The following BCL2L13 variants were observed in gnomAD, a reference collection of about 807,000 sequenced individuals.
The protein encoded by BCL2L13 is BCL2 like 13.
A neutral mutation model predicts 25.8 loss-of-function variants in BCL2L13; 13 were observed. The ratio of observed to expected loss-of-function variants is 0.50; its 90% CI spans 0.33 to 0.80. BCL2L13 has a LOEUF of 0.80. Ranked by LOEUF, BCL2L13 falls within the 30% of genes least tolerant of loss-of-function variation. BCL2L13 has a pLI of 0.02. For missense variants in BCL2L13, 504 were observed against 574.9 expected, an observed-to-expected ratio of 0.88 and a Z score of 1.26; for synonymous variants, 244 against 230.3, an observed-to-expected ratio of 1.06 and a Z score of -0.54.
At chr22:17,681,288 CG>C (rs1412693540) in intron 2 of BCL2L13, among the ~76,000 whole-genome samples, 1 of 151,976 alleles carries the variant, frequency 6.6e-6, no homozygotes, top group Non-Finnish European at 1.5e-5. Context: ...AGGTGGATCA[CG>C]GGGCCAGGAG....
In BCL2L13 at chr22:17,702,405, T is replaced by C; in HGVS notation, c.600+19T>C. 6.6e-7 allele frequency: 1 copy of C among 1,514,666 alleles called. No homozygotes were observed. The highest frequency in any genetic ancestry group is 8.8e-7 in the Non-Finnish European group (1 of 1,135,426). 93.8% of individuals were successfully genotyped at this position (1,514,666 alleles called of 1,614,324 possible). On this transcript the variant is annotated intron_variant, in intron 6 of 6. Coordinates refer to ENST00000317582, the MANE Select transcript of BCL2L13 (RefSeq NM_015367.4). ...TGGCTGGGTATGAGCTGTTATATAT[T>C]AAAAATATTTTCTTGAAAAAAAATT...
intron 1 of BCL2L13, among the ~76,000 whole-genome samples, chr22:17,629,818 TACACACACACAC>T (rs3044578): frequency 1.0e-4 from 15 of 148,184 alleles, no homozygotes; most frequent in East Asian, 2.0e-4. Context: ...TTTATTTTCA[TACACACACACAC>T]ACACACACAC....
chr22:17,648,973 CG>C (rs1289195066), intron 1 of BCL2L13, among the ~76,000 whole-genome samples: 4 of 152,126 alleles, frequency 2.6e-5, no homozygotes, highest in Non-Finnish European at 1.5e-5. Flanking sequence ...GTTACCCTGT[CG>C]CTCAGGCTGG....
At chr22:17,681,563 C>T (rs2059757720) in intron 2 of BCL2L13, among the ~76,000 whole-genome samples, 2 of 151,530 alleles carry the variant, frequency 1.3e-5, no homozygotes, top group African/African-American at 2.4e-5. Flanking sequence ...TTATAGAGGT[C>T]CTGAGAGGGT....
At chr22:17,642,053 C>T (rs1323664287) in intron 1 of BCL2L13, among the ~76,000 whole-genome samples, 1 of 151,622 alleles carries the variant, frequency 6.6e-6, no homozygotes, top group Non-Finnish European at 1.5e-5. Flanking sequence ...CCCATGTCGG[C>T]CTCCCAAAGT....
chr22:17,706,667 C>T lies in BCL2L13; in HGVS notation c.600+4281C>T, dbSNP rs138505219. On this transcript the variant is annotated intron_variant, in intron 6 of 6. Transcript: ENST00000317582. ...TAGTTTCAGTTTTGACTTTTATTTG[C>T]CCTGCAGCCCGGTGAGGGCACAGAC... 4 of 1,305,744 alleles carry T rather than the reference C, an allele frequency of 3.1e-6. No individual in the cohort carries two copies. The East Asian group carries it at 1.4e-4, about 45-fold the overall frequency. 80.9% of individuals were successfully genotyped at this position (1,305,744 alleles called of 1,614,324 possible). A position where few individuals can be genotyped will look rare whatever the true frequency, so the allele number is the denominator to read the frequency against.
intron 6 of BCL2L13, among the ~76,000 whole-genome samples, chr22:17,721,854 G>T (rs2061144222): frequency 6.6e-6 from 1 of 151,574 alleles, no homozygotes; most frequent in Admixed American, 6.6e-5. Flanking sequence ...TAGAGACGGG[G>T]TTTCACCGTG....
chr22:17,675,893 C>T (rs146180803), intron 2 of BCL2L13, among the ~76,000 whole-genome samples: 1 of 152,150 alleles, frequency 6.6e-6, no homozygotes, highest in Non-Finnish European at 1.5e-5. Flanking sequence ...GTTAAAACAG[C>T]CTTATTTTAT....
chr22:17,686,860 A>T (rs945443315), intron 3 of BCL2L13, among the ~76,000 whole-genome samples: 2 of 152,148 alleles, frequency 1.3e-5, no homozygotes, highest in African/African-American at 2.4e-5. Context: ...GATTCTCTTC[A>T]TGTATATTCT....
intron 5 of BCL2L13, among the ~76,000 whole-genome samples, chr22:17,698,732 A>G (rs1404291104): frequency 6.6e-6 from 1 of 151,976 alleles, no homozygotes; most frequent in Non-Finnish European, 1.5e-5. Context: ...GTCTCAGAAA[A>G]AAAAGAAAAG....
intron 2 of BCL2L13, 33 bp downstream of exon 2, chr22:17,655,865 A>G: frequency 6.3e-7 from 1 of 1,586,222 alleles, no homozygotes; most frequent in Non-Finnish European, 8.6e-7. Flanking sequence ...GTTATAGTAA[A>G]TTGTAATAAG....
At chr22:17,692,915 A>G (rs73876489) in intron 4 of BCL2L13, among the ~76,000 whole-genome samples, 2,733 of 152,222 alleles carry the variant, frequency 0.018, 77 homozygotes, top group African/African-American at 0.061. Context: ...TTATCGAGCT[A>G]TTTTGGATTG....
exon 1 of BCL2L13, chr22:17,628,939 G>A (rs1371118931): frequency 4.2e-6 from 2 of 481,714 alleles, no homozygotes; most frequent in Non-Finnish European, 7.6e-6. Flanking sequence ...TCTTGGGTAG[G>A]AGGAAGAAAA....
intron 1 of BCL2L13, among the ~76,000 whole-genome samples, chr22:17,652,742 G>C (rs1166718739): frequency 2.0e-5 from 3 of 152,094 alleles, no homozygotes; most frequent in Non-Finnish European, 4.4e-5. Flanking sequence ...CCGGCCATCA[G>C]ATTTCTTGAA....
In BCL2L13 at chr22:17,727,954, T is replaced by G; in HGVS notation, c.*420T>G. ...AAATGTCCCGTGTGAACATCCCCTA[T>G]TGAGACCCACTGCTTTAGCGAGAGA... On this transcript the variant is annotated 3_prime_UTR_variant, in exon 7 of 7. Coordinates refer to ENST00000317582, the MANE Select transcript of BCL2L13 (RefSeq NM_015367.4). 5.3e-6 allele frequency: 1 copy of G among 189,796 alleles called. No homozygotes were observed. Among genetic ancestry groups the G allele is most frequent in the Non-Finnish European group, 1.1e-5 (1 of 89,096 alleles). The allele number at this position is 189,796 out of a possible 1,614,324, so 11.8% of individuals were successfully genotyped here. A position where few individuals can be genotyped will look rare whatever the true frequency, so the allele number is the denominator to read the frequency against.
chr22:17,726,531 C>T, intron 6 of BCL2L13, 146 bp from the exon 7 acceptor site: 2 of 915,028 alleles, frequency 2.2e-6, no homozygotes, highest in Admixed American at 5.7e-5. Flanking sequence ...CCTACAAATA[C>T]ATGCATTCCA....
chr22:17,644,038 G>T (rs752176374), intron 1 of BCL2L13, among the ~76,000 whole-genome samples: 1 of 151,160 alleles, frequency 6.6e-6, no homozygotes, highest in Non-Finnish European at 1.5e-5. Context: ...AGCCTCCTGA[G>T]TAGCTGGGAA....
chr22:17,657,909 G>A (rs980772666), intron 2 of BCL2L13, among the ~76,000 whole-genome samples: 5 of 128,002 alleles, frequency 3.9e-5, no homozygotes, highest in Non-Finnish European at 6.2e-5. Context: ...TGCAACCTCC[G>A]ACTGCCGGGT....
At chr22:17,719,827 CAAAAAAAAA>C (rs60474373) in intron 6 of BCL2L13, among the ~76,000 whole-genome samples, 9 of 91,134 alleles carry the variant, frequency 9.9e-5, no homozygotes, top group African/African-American at 2.6e-4. Context: ...GACTCCATCT[CAAAAAAAAA>C]AAAAAAAAAA....
Sources: gnomAD v4.1 joint callset for allele counts (sites outside exome capture counted in the v4.1 genomes callset) on GRCh38, gnomAD v4.1.1 for gene constraint, MANE v1.5 for transcripts, NCBI Gene and HGNC (gene_info 2026-07-23, HGNC 2026-07-21) for gene names.